Variants in WDR41 observed in about 807,000 individuals in gnomAD.
WDR41 encodes the protein WD repeat-containing protein 41.
WDR41 carries 63 observed loss-of-function variants against 69.3 expected under a neutral mutation model. That is an observed-to-expected ratio of 0.91 (90% CI 0.74 to 1.12). The LOEUF is 1.12. Among genes scored for constraint, WDR41 ranks in the 50% most tolerant of loss-of-function variants. The pLI is 0.00. For missense variants in WDR41, 543 were observed against 534.5 expected, an observed-to-expected ratio of 1.02 and a Z score of -0.16; for synonymous variants, 185 against 192.1, an observed-to-expected ratio of 0.96 and a Z score of 0.31.
At chr5:77,580,772 C>G (rs1390047571) in intron 1 of WDR41, among the ~76,000 whole-genome samples, 2 of 151,454 alleles carry the variant, frequency 1.3e-5, no homozygotes, top group African/African-American at 2.4e-5. Flanking sequence ...TGGCTAACAT[C>G]GTGAAACCTC....
chr5:77,604,144 A>T (rs1462536978), intron 1 of WDR41, among the ~76,000 whole-genome samples: 1 of 152,148 alleles, frequency 6.6e-6, no homozygotes, highest in African/African-American at 2.4e-5. Context: ...GATTGCATTG[A>T]ATCTGAAGAT....
At chr5:77,508,728 G>A (rs913026557) in intron 1 of WDR41, among the ~76,000 whole-genome samples, 5 of 151,818 alleles carry the variant, frequency 3.3e-5, no homozygotes, top group Non-Finnish European at 7.4e-5. Context: ...CCCTTCTCTG[G>A]AGCTTGTTTT....
At chr5:77,505,228 C>T (rs904654442) in intron 1 of WDR41, among the ~76,000 whole-genome samples, 6 of 151,786 alleles carry the variant, frequency 4.0e-5, no homozygotes, top group African/African-American at 9.7e-5. Context: ...TCCTATACAC[C>T]AATAACAGAC....
In WDR41 at chr5:77,436,519, C is replaced by T. The variant is rs563340486; in HGVS notation, c.1094-125G>A. On this transcript the variant is annotated intron_variant, in intron 11 of 12. Coordinates refer to ENST00000296679, the MANE Select transcript of WDR41 (RefSeq NM_018268.4). ...TTAGTCAAGGGCTAAGTGGACAGTACCTGAGCACCGTGCTAGGGTTTTGTG... is the reference window on the plus strand; with the variant it reads ...TTAGTCAAGGGCTAAGTGGACAGTATCTGAGCACCGTGCTAGGGTTTTGTG... The T allele has an allele frequency of 8.4e-5, 95 of 1,133,972 alleles. No individual in the cohort carries two copies. The Admixed American group carries it at 1.7e-3, about 20-fold the overall frequency. 70.2% of individuals were successfully genotyped at this position (1,133,972 alleles called of 1,614,324 possible). A position where few individuals can be genotyped will look rare whatever the true frequency, so the allele number is the denominator to read the frequency against.
At chr5:77,478,687 G>C (rs1801083452) in intron 2 of WDR41, among the ~76,000 whole-genome samples, 1 of 151,916 alleles carries the variant, frequency 6.6e-6, no homozygotes, top group South Asian at 2.1e-4. Flanking sequence ...AAAATAATAA[G>C]AGCTATCTAT....
intron 8 of WDR41, among the ~76,000 whole-genome samples, chr5:77,448,687 G>C (rs978834125): frequency 3.9e-5 from 6 of 151,984 alleles, no homozygotes; most frequent in Admixed American, 6.6e-5. Flanking sequence ...GGCCAATATG[G>C]AGAAACCCCG....
intron 2 of WDR41, among the ~76,000 whole-genome samples, chr5:77,483,565 A>G (rs1801384054): frequency 6.6e-6 from 1 of 150,680 alleles, no homozygotes; most frequent in Non-Finnish European, 1.5e-5. Flanking sequence ...TTCGCTCATT[A>G]ACCTGTCTTT....
intron 1 of WDR41, among the ~76,000 whole-genome samples, chr5:77,597,747 T>A (rs536001174): frequency 6.6e-6 from 1 of 152,330 alleles, no homozygotes; most frequent in South Asian, 2.1e-4. Context: ...TGAATGAATG[T>A]ACCCCATATG....
Position 77,538,442 on chromosome 5 carries a change from C to T in WDR41, c.43-48870G>A, listed in dbSNP as rs116723825. 2.0e-3 allele frequency among the ~76,000 whole-genome samples: 312 copies of T among 152,270 alleles called. 2 individuals are homozygous for T. The highest frequency in any genetic ancestry group is 5.3e-3 in the African/African-American group (219 of 41,562). ...AAATGGGTAGCATTTCATTTCACCC[C>T]TTGCCTCTCTTCTTCCCTCCCCACT... On this transcript the variant is annotated intron_variant, in intron 1 of 5. Transcript: ENST00000509971.
chr5:77,454,923 G>A (rs765820185), intron 5 of WDR41, among the ~76,000 whole-genome samples: 3 of 152,138 alleles, frequency 2.0e-5, no homozygotes, highest in Non-Finnish European at 2.9e-5. Flanking sequence ...TGGACATATA[G>A]ATTGTTTCCA....
intron 1 of WDR41, chr5:77,583,109 G>A: frequency 4.5e-6 from 7 of 1,541,912 alleles, no homozygotes; most frequent in Middle Eastern, 2.3e-4. Context: ...AGGCTTACTA[G>A]AAGAATGAAC....
At chr5:77,507,065 A>T (rs1561209619) in intron 1 of WDR41, among the ~76,000 whole-genome samples, 1 of 152,242 alleles carries the variant, frequency 6.6e-6, no homozygotes, top group Non-Finnish European at 1.5e-5. Context: ...TTTAGACTTT[A>T]GGATAACATT....
intron 2 of WDR41, among the ~76,000 whole-genome samples, chr5:77,472,603 A>T (rs335647): frequency 0.032 from 4,812 of 152,262 alleles, 202 homozygotes; most frequent in South Asian, 0.19. Flanking sequence ...AATGTGCAAA[A>T]ATCACAAGCA....
intron 1 of WDR41, among the ~76,000 whole-genome samples, chr5:77,507,722 G>A (rs1802133326): frequency 6.6e-6 from 1 of 152,144 alleles, no homozygotes; most frequent in Non-Finnish European, 1.5e-5. Context: ...TCTTCATGAT[G>A]TGACTAGGTA....
chr5:77,557,368 A>T (rs943434161), intron 1 of WDR41, among the ~76,000 whole-genome samples: 5 of 152,204 alleles, frequency 3.3e-5, no homozygotes, highest in African/African-American at 1.2e-4. Context: ...TTGTACCCAG[A>T]ATATACAAAG....
Position 77,463,133 on chromosome 5 carries a change from G to C in WDR41, c.310C>G (p.Gln104Glu), listed in dbSNP as rs780614702. 1 of 1,612,220 alleles carries C rather than the reference G, an allele frequency of 6.2e-7. No individual in the cohort carries two copies. The highest frequency in any genetic ancestry group is 8.5e-7 in the Non-Finnish European group (1 of 1,179,248). Residue 104 changes from glutamine (Q) to glutamate (E), a missense_variant, in exon 4 of 13, where the codon CAA (glutamine) becomes GAA (glutamate). By Grantham distance (29) the Gln-to-Glu change is conservative (BLOSUM62 2). Coordinates refer to ENST00000296679, the MANE Select transcript of WDR41 (RefSeq NM_018268.4). ...TCAGCAGAGGCTGTCAAGATGAGTT[G>C]ATTTTTCTCTTCACAAGATTCCAAG... Reference protein sequence around the residue: ...PSLESCEEKNQLILTASADRT... With the variant: ...PSLESCEEKNELILTASADRT...
intron 1 of WDR41, among the ~76,000 whole-genome samples, chr5:77,545,011 A>G (rs986966288): frequency 3.9e-5 from 6 of 152,158 alleles, no homozygotes; most frequent in Non-Finnish European, 1.5e-5. Flanking sequence ...ATCAACTCCA[A>G]AAAGTACCTT....
intron 1 of WDR41, among the ~76,000 whole-genome samples, chr5:77,596,604 C>T (rs747203017): frequency 1.3e-5 from 2 of 152,022 alleles, no homozygotes; most frequent in Non-Finnish European, 2.9e-5. Context: ...TCAAGCTATC[C>T]TCCTGTTTCA....
In WDR41 at chr5:77,433,000, A is replaced by G. The variant is rs538348515; in HGVS notation, c.*135T>C. On this transcript the variant is annotated 3_prime_UTR_variant, in exon 13 of 13. Coordinates refer to ENST00000296679, the MANE Select transcript of WDR41 (RefSeq NM_018268.4). ...GTTCCTGGTTGGTAGGTCCACAAAA[A>G]ATTTAAACATGTAGAATTTTATGGA... The G allele has an allele frequency of 9.7e-7, 1 of 1,032,118 alleles. No homozygotes were observed. Among genetic ancestry groups the G allele is most frequent in the African/African-American group, 1.6e-5 (1 of 61,108 alleles). The allele number at this position is 1,032,118 out of a possible 1,614,324, so 63.9% of individuals were successfully genotyped here.
Sources: gnomAD v4.1 joint callset for allele counts (sites outside exome capture counted in the v4.1 genomes callset) on GRCh38, gnomAD v4.1.1 for gene constraint, MANE v1.5 for transcripts, NCBI Gene and HGNC (gene_info 2026-07-23, HGNC 2026-07-21) for gene names.